Variants in CTNNA3 observed in about 807,000 individuals in gnomAD.
CTNNA3 encodes the protein catenin alpha 3.
Under a neutral mutation model 95.7 loss-of-function variants are expected in CTNNA3, and 76 were observed. That is an observed-to-expected ratio of 0.79 (90% CI 0.66 to 0.96). CTNNA3 has a LOEUF of 0.96. CTNNA3 is among the 40% of genes least tolerant of loss of function. The pLI is 0.00. For missense variants in CTNNA3, 1,191 were observed against 1,089.8 expected, an observed-to-expected ratio of 1.09 and a Z score of -1.31; for synonymous variants, 431 against 374.4, an observed-to-expected ratio of 1.15 and a Z score of -1.74.
chr10:65,966,177 G>A (rs2077960813), intron 17 of CTNNA3, among the ~76,000 whole-genome samples: 1 of 151,992 alleles, frequency 6.6e-6, no homozygotes, highest in Non-Finnish European at 1.5e-5. Context: ...CTCAAGACAT[G>A]AACATCTATG....
intron 9 of CTNNA3, among the ~76,000 whole-genome samples, chr10:66,706,843 A>G (rs958975706): frequency 6.6e-6 from 1 of 152,030 alleles, no homozygotes; most frequent in Non-Finnish European, 1.5e-5. Context: ...GGAAAAAAAT[A>G]TTTGAAGCCA....
intron 9 of CTNNA3, among the ~76,000 whole-genome samples, chr10:66,658,251 C>CCTCT (rs199548181): frequency 6.7e-6 from 1 of 150,080 alleles, no homozygotes; most frequent in Non-Finnish European, 1.5e-5. Flanking sequence ...TCTCCCCCTC[C>CCTCT]CTCTCTCTCT....
chr10:66,470,321 T>A (rs12413950), intron 11 of CTNNA3, among the ~76,000 whole-genome samples: 6,701 of 151,886 alleles, frequency 0.044, 392 homozygotes, highest in East Asian at 0.25. Flanking sequence ...GTGGAGAAGG[T>A]TTGAAATTGT....
At chr10:66,972,796 C>A (rs1220615813) in intron 7 of CTNNA3, among the ~76,000 whole-genome samples, 1 of 150,634 alleles carries the variant, frequency 6.6e-6, no homozygotes, top group East Asian at 2.0e-4. Context: ...CTGCAACCTC[C>A]ACCTCCTGGG....
intron 15 of CTNNA3, among the ~76,000 whole-genome samples, chr10:66,039,163 A>G (rs2079628276): frequency 6.6e-6 from 1 of 152,196 alleles, no homozygotes; most frequent in Non-Finnish European, 1.5e-5. Context: ...AGAATGAATA[A>G]AAGACCTAGG....
chr10:66,742,272 C>A (rs1301457293), intron 9 of CTNNA3, among the ~76,000 whole-genome samples: 1 of 152,140 alleles, frequency 6.6e-6, no homozygotes, highest in Non-Finnish European at 1.5e-5. Flanking sequence ...TCTCCCATAG[C>A]GCTCCCAGGC....
intron 2 of CTNNA3, among the ~76,000 whole-genome samples, chr10:67,607,614 A>G (rs182010538): frequency 3.3e-5 from 5 of 152,216 alleles, no homozygotes; most frequent in African/African-American, 4.8e-5. Context: ...GTGAACCTGC[A>G]TAGTTCAAAC....
At chr10:66,115,379 T>C (rs2082286088) in intron 13 of CTNNA3, among the ~76,000 whole-genome samples, 2 of 152,192 alleles carry the variant, frequency 1.3e-5, no homozygotes. Flanking sequence ...TGTGGATGCG[T>C]AAAAGCTGTT....
chr10:66,623,708 T>C (rs1844832175), intron 9 of CTNNA3, among the ~76,000 whole-genome samples: 2 of 137,380 alleles, frequency 1.5e-5, no homozygotes, highest in South Asian at 5.0e-4. Context: ...TCAAAGTTAC[T>C]AGGTAATAGA....
At chr10:66,420,614 C>A (rs372410685) in intron 11 of CTNNA3, among the ~76,000 whole-genome samples, 2 of 151,822 alleles carry the variant, frequency 1.3e-5, no homozygotes, top group Non-Finnish European at 2.9e-5. Context: ...CCCTGGCTAA[C>A]ACAGTGAAAC....
intron 7 of CTNNA3, among the ~76,000 whole-genome samples, chr10:67,005,751 T>C (rs1851948352): frequency 7.6e-6 from 1 of 132,248 alleles, no homozygotes; most frequent in South Asian, 2.8e-4. Context: ...AATGGTATGA[T>C]CTTGACTCAC....
At chr10:67,687,987 T>C (rs1471776705) in intron 1 of CTNNA3, among the ~76,000 whole-genome samples, 5 of 152,178 alleles carry the variant, frequency 3.3e-5, no homozygotes. Context: ...TGTCATTCTA[T>C]CATTTACTTG....
chr10:66,147,611 T>C (rs1346781630), intron 13 of CTNNA3, among the ~76,000 whole-genome samples: 2 of 74,136 alleles, frequency 2.7e-5, no homozygotes, highest in East Asian at 3.7e-4. Context: ...GCTTTCAGTT[T>C]TTTTTTTTTT....
chr10:66,819,614 T>C (rs1013927074), intron 7 of CTNNA3, among the ~76,000 whole-genome samples: 11 of 152,056 alleles, frequency 7.2e-5, no homozygotes, highest in African/African-American at 2.7e-4. Context: ...GGGTCTAGTA[T>C]ACAAAATATA....
chr10:65,988,624 A>T, intron 16 of CTNNA3, 68 bp downstream of exon 16: 1 of 1,304,492 alleles, frequency 7.7e-7, no homozygotes, highest in South Asian at 1.2e-5. Context: ...ACTTTGCCTA[A>T]ATCAATGTTC....
At chr10:66,706,541 C>T (rs907542690) in intron 9 of CTNNA3, among the ~76,000 whole-genome samples, 4 of 151,766 alleles carry the variant, frequency 2.6e-5, no homozygotes, top group African/African-American at 9.7e-5. Context: ...ATTAAAAAAA[C>T]ACACAGAAGC....
rs528455696 is a variant in CTNNA3 at position 66,329,229 on chromosome 10, G to A, written c.1733-48608C>T. Among the ~76,000 whole-genome samples, 264 of 151,726 alleles carry A rather than the reference G, an allele frequency of 1.7e-3. 1 individual carries two copies. The highest frequency in any genetic ancestry group is 2.9e-3 in the Non-Finnish European group (196 of 67,822). ...GCCTCCTAAAGTGCTGGGATTACGG[G>A]GTGAGCCACGGCGCCCAGCCAAAGA... On this transcript the variant is annotated intron_variant, in intron 12 of 17. Transcript: ENST00000433211.
intron 13 of CTNNA3, among the ~76,000 whole-genome samples, chr10:66,152,193 G>A (rs928438444): frequency 1.3e-5 from 2 of 151,868 alleles, no homozygotes; most frequent in African/African-American, 4.8e-5. Flanking sequence ...GACAGCAGAA[G>A]ATGTTTTCAA....
chr10:66,025,560 C>T (rs2079316758), intron 15 of CTNNA3, among the ~76,000 whole-genome samples: 2 of 152,080 alleles, frequency 1.3e-5, no homozygotes, highest in Non-Finnish European at 2.9e-5. Flanking sequence ...TGTGTTTTTG[C>T]TCATCATCTA....
Sources: allele counts gnomAD v4.1 joint callset (sites outside exome capture counted in the v4.1 genomes callset), GRCh38; gene constraint gnomAD v4.1.1; transcripts MANE v1.5; gene names NCBI Gene and HGNC (gene_info 2026-07-23, HGNC 2026-07-21).